The following SMG1 variants were observed in gnomAD, a reference collection of about 807,000 sequenced individuals.
The protein encoded by SMG1 is serine/threonine-protein kinase SMG1.
SMG1 carries 22 observed loss-of-function variants against 419.9 expected under a neutral mutation model. That is an observed-to-expected ratio of 0.05 (90% CI 0.04 to 0.07). The LOEUF is 0.07. Among genes scored for constraint, SMG1 ranks in the 10% least tolerant of loss-of-function variants. The probability of loss-of-function intolerance (pLI) is 1.00; values close to 1 mark genes in which losing one functional copy is unlikely to be tolerated. For missense variants in SMG1, 3,185 were observed against 4,342.0 expected (o/e 0.73, Z 7.49); for synonymous variants, 1,538 against 1,553.5 (o/e 0.99, Z 0.23).
chr16:18,884,431 T>C (rs2036532533), intron 8 of SMG1, among the ~76,000 whole-genome samples: 1 of 152,158 alleles, frequency 6.6e-6, no homozygotes. Context: ...ATTTCATATC[T>C]ATATTGTCAC....
At chr16:18,827,938 A>G in intron 55 of SMG1, 93 bp downstream of exon 55, 2 of 1,371,856 alleles carry the variant, frequency 1.5e-6, no homozygotes, top group Non-Finnish European at 2.0e-6. Flanking sequence ...AGGACACACA[A>G]ATAGACACAC....
At chr16:18,872,472 G>A (rs2035875854) in intron 14 of SMG1, 22 bp downstream of exon 14, 6 of 1,536,124 alleles carry the variant, frequency 3.9e-6, no homozygotes, top group Admixed American at 2.2e-5. Context: ...GGGTTCTTAA[G>A]AAAAATTTGT....
At position 18,836,787 on chromosome 16, in the gene SMG1, C is replaced by T. The variant is rs139506644; in HGVS notation, c.7605-255G>A. On this transcript the variant is annotated intron_variant, in intron 46 of 62. Coordinates refer to ENST00000446231, the MANE Select transcript of SMG1 (RefSeq NM_015092.5). ...TTGAAGGTTAGAGACTGATGCTTGA[C>T]AGATCTTTGTAATCTGAGAGCCTCA... 7.4e-3 allele frequency among the ~76,000 whole-genome samples: 1,129 copies of T among 152,302 alleles called. 20 individuals carry two copies. Among genetic ancestry groups the T allele is most frequent in the African/African-American group, 0.026 (1,066 of 41,556 alleles).
chr16:18,873,929 T>G (rs1385014581), intron 13 of SMG1, among the ~76,000 whole-genome samples: 1 of 152,242 alleles, frequency 6.6e-6, no homozygotes, highest in African/African-American at 2.4e-5. Flanking sequence ...GTAAATAATG[T>G]GAATTCCTCA....
chr16:18,828,247 A>T (rs372764179), intron 54 of SMG1, 79 bp from the exon 55 acceptor site: 2 of 1,412,824 alleles, frequency 1.4e-6, no homozygotes, highest in Non-Finnish European at 1.9e-6. Flanking sequence ...GGCGCAACCT[A>T]GGACTGGCGG....
chr16:18,883,536 T>G (rs994326138), intron 9 of SMG1, among the ~76,000 whole-genome samples: 5 of 152,262 alleles, frequency 3.3e-5, no homozygotes, highest in Admixed American at 3.3e-4. Flanking sequence ...ACCAAGAGTA[T>G]GTAAAGCTTT....
At chr16:18,898,315 T>G (rs1273318804) in intron 1 of SMG1, among the ~76,000 whole-genome samples, 1 of 152,176 alleles carries the variant, frequency 6.6e-6, no homozygotes, top group African/African-American at 2.4e-5. Context: ...CTAAAATGAC[T>G]AAGGCTCCAT....
At chr16:18,853,561 A>T in intron 31 of SMG1, 22 bp downstream of exon 31, 1 of 1,512,926 alleles carries the variant, frequency 6.6e-7, no homozygotes, top group Non-Finnish European at 8.8e-7. Flanking sequence ...TTAATATTCT[A>T]AAGCTAATAA....
rs2035766839 is a variant in SMG1 at position 18,870,644 on chromosome 16, G to A, written c.2458C>T (p.Leu820=). The change falls in exon 18 of 63, where the codon CTG becomes TTG. Residue 820 remains leucine, a synonymous_variant. Transcript: ENST00000446231. ...GTRIRQAFGK[L]LKSIPLDVVL... ...ACATCTAAAGGAATTGATTTCAACAGTTTTCCAAATGCTTGTCGAATACGA... is the reference window on the plus strand; with the variant it reads ...ACATCTAAAGGAATTGATTTCAACAATTTTCCAAATGCTTGTCGAATACGA... 2 of 1,606,064 alleles carry A rather than the reference G, an allele frequency of 1.2e-6. No homozygotes were observed. The highest frequency in any genetic ancestry group is 1.7e-6 in the Non-Finnish European group (2 of 1,176,736).
At chr16:18,914,294 T>C (rs1191916301) in intron 1 of SMG1, among the ~76,000 whole-genome samples, 1 of 152,076 alleles carries the variant, frequency 6.6e-6, no homozygotes, top group African/African-American at 2.4e-5. Flanking sequence ...AATAATAACA[T>C]GAATATGAAT....
chr16:18,874,450 C>T (rs370786542), intron 13 of SMG1, among the ~76,000 whole-genome samples: 3 of 150,720 alleles, frequency 2.0e-5, no homozygotes, highest in African/African-American at 7.3e-5. Flanking sequence ...ACACCTATTA[C>T]TTTCTATTAA....
intron 55 of SMG1, among the ~76,000 whole-genome samples, chr16:18,819,945 A>T (rs1201475395): frequency 6.6e-6 from 1 of 152,192 alleles, no homozygotes; most frequent in Admixed American, 6.5e-5. Flanking sequence ...TTTAAAAAAT[A>T]AAAAATATGC....
chr16:18,821,221 C>CTTTTTTTTTTTTTTTTTTGTTTT (rs2032509856), intron 55 of SMG1, among the ~76,000 whole-genome samples: 1 of 35,600 alleles, frequency 2.8e-5, no homozygotes. Context: ...TAGTATGTTT[C>CTTTTTTTTTTTTTTTTTTGTTTT]TTTTTTTTTT....
At chr16:18,921,815 T>C (rs541966583) in intron 1 of SMG1, among the ~76,000 whole-genome samples, 7 of 152,344 alleles carry the variant, frequency 4.6e-5, no homozygotes, top group Non-Finnish European at 1.0e-4. Flanking sequence ...CACATTTCCA[T>C]TTCTTGGTCT....
At chr16:18,847,187 T>C (rs910444415) in intron 38 of SMG1, among the ~76,000 whole-genome samples, 1 of 152,072 alleles carries the variant, frequency 6.6e-6, no homozygotes, top group Non-Finnish European at 1.5e-5. Context: ...AAATTCATAA[T>C]AGAGATGGCA....
intron 56 of SMG1, 64 bp from the exon 57 acceptor site, chr16:18,817,534 T>TTAA: frequency 7.7e-7 from 1 of 1,297,966 alleles, no homozygotes; most frequent in Non-Finnish European, 1.0e-6. Context: ...GAGGTGGCAA[T>TTAA]TAATAACATG....
intron 41 of SMG1, 122 bp downstream of exon 41, chr16:18,841,443 G>T: frequency 1.3e-6 from 1 of 766,556 alleles, no homozygotes; most frequent in Non-Finnish European, 2.1e-6. Context: ...CTCTCCTAGG[G>T]ACCTCAAGTC....
chr16:18,916,809 A>G (rs961199182), intron 1 of SMG1, among the ~76,000 whole-genome samples: 6 of 152,166 alleles, frequency 3.9e-5, no homozygotes, highest in Non-Finnish European at 7.3e-5. Flanking sequence ...ACATGAAAAG[A>G]TAACAAACAG....
intron 55 of SMG1, among the ~76,000 whole-genome samples, chr16:18,821,217 G>GTTTTTTT (rs2032501770): frequency 1.6e-4 from 5 of 31,734 alleles, no homozygotes; most frequent in African/African-American, 4.2e-4. Flanking sequence ...TATTTAGTAT[G>GTTTTTTT]TTTCTTTTTT....
Sources: allele counts gnomAD v4.1 joint callset (sites outside exome capture counted in the v4.1 genomes callset), GRCh38; gene constraint gnomAD v4.1.1; transcripts MANE v1.5; gene names NCBI Gene and HGNC (gene_info 2026-07-23, HGNC 2026-07-21).